The following TBC1D16 variants were observed in gnomAD, a reference collection of about 807,000 sequenced individuals.
TBC1D16 encodes CTD-2529O21.1.
TBC1D16 carries 58 observed loss-of-function variants against 74.7 expected under a neutral mutation model. That is an observed-to-expected ratio of 0.78 (90% CI 0.63 to 0.97). The LOEUF is 0.97. Ranked by LOEUF, TBC1D16 falls within the 50% of genes least tolerant of loss-of-function variation. The pLI is 0.00. For missense variants in TBC1D16, 1,014 were observed against 1,079.5 expected (o/e 0.94, Z 0.85); for synonymous variants, 493 against 474.7 (o/e 1.04, Z -0.50).
intron 3 of TBC1D16, among the ~76,000 whole-genome samples, chr17:79,999,529 ATTTC>A: frequency 9.0e-6 from 1 of 111,648 alleles, no homozygotes; most frequent in South Asian, 2.8e-4. Context: ...TTTCCCCCAA[ATTTC>A]TTTTTTTTTT....
At chr17:79,964,781 C>T (rs894379839) in intron 3 of TBC1D16, among the ~76,000 whole-genome samples, 6 of 152,102 alleles carry the variant, frequency 3.9e-5, no homozygotes, top group African/African-American at 7.2e-5. Context: ...CCATTAAGCA[C>T]TTATAAAATA....
chr17:80,030,918 C>T (rs1568655374), intron 1 of TBC1D16, among the ~76,000 whole-genome samples: 1 of 152,244 alleles, frequency 6.6e-6, no homozygotes, highest in African/African-American at 2.4e-5. Flanking sequence ...TCTGCTTTGC[C>T]CTCAAAGCCC....
chr17:80,032,813 G>A (rs1002386826), intron 1 of TBC1D16, among the ~76,000 whole-genome samples: 15 of 152,106 alleles, frequency 9.9e-5, no homozygotes, highest in South Asian at 2.1e-4. Flanking sequence ...ACCCGCCCCC[G>A]GTGCTTAATG....
Position 79,956,107 on chromosome 17 carries a change from T to C in TBC1D16, c.780-3289A>G, listed in dbSNP as rs1319423228. Among the ~76,000 whole-genome samples the C allele has an allele frequency of 1.3e-5, 2 of 152,180 alleles. No homozygotes were observed. The highest frequency in any genetic ancestry group is 1.3e-4 in the Admixed American group (2 of 15,278). ...CAGTCAGCACCAGAGCCCCGACACC[T>C]GTCAATGGAGGCCGTTCCAGACCCT... On this transcript the variant is annotated intron_variant, in intron 3 of 11. Transcript: ENST00000310924. This position sits in a 1 kb window ranked among gnomAD's most constrained non-coding sequence, Gnocchi z 4.0.
rs979893005 is a variant in TBC1D16, at chr17:79,968,293, G to A, written c.780-15475C>T. ...CATGCTGGGATTCGAGGCATGAGCCGCTGCACCCAACCGGGTGAAAGAATA... is the reference window on the plus strand; with the variant it reads ...CATGCTGGGATTCGAGGCATGAGCCACTGCACCCAACCGGGTGAAAGAATA... On this transcript the variant is annotated intron_variant, in intron 3 of 11. Transcript: ENST00000310924. Among the ~76,000 whole-genome samples, 13 of 152,314 alleles carry A rather than the reference G, an allele frequency of 8.5e-5. No individual in the cohort carries two copies. The South Asian group carries it at 1.0e-3, about 12-fold the overall frequency.
chr17:79,950,894 C>T lies in TBC1D16; in HGVS notation c.1090-316G>A. On this transcript the variant is annotated intron_variant, in intron 5 of 11. Coordinates refer to ENST00000310924, the MANE Select transcript of TBC1D16 (RefSeq NM_019020.4). The surrounding 1 kb of genome is among the most constrained non-coding windows in gnomAD (Gnocchi z 4.6). ...CCTAACTTCCCTCTGCCGGGAGGGC[C>T]TGCAATGAATTACATGTGATTGGCC... 1 of 1,465,280 alleles carries T rather than the reference C, an allele frequency of 6.8e-7. No individual in the cohort carries two copies. The highest frequency in any genetic ancestry group is 9.1e-7 in the Non-Finnish European group (1 of 1,098,718). The allele number at this position is 1,465,280 out of a possible 1,614,324, so 90.8% of individuals were successfully genotyped here.
intron 8 of TBC1D16, among the ~76,000 whole-genome samples, chr17:79,948,148 T>C (rs142356537): frequency 6.6e-6 from 1 of 152,202 alleles, no homozygotes; most frequent in East Asian, 1.9e-4. Flanking sequence ...CTGTCTCTAC[T>C]AAAAATACAA....
At chr17:80,034,665 T>G (rs992131863) in intron 1 of TBC1D16, among the ~76,000 whole-genome samples, 1 of 152,234 alleles carries the variant, frequency 6.6e-6, no homozygotes, top group African/African-American at 2.4e-5. Context: ...ATTCTTTATT[T>G]ACAAAAGCTT....
At chr17:79,976,274 C>CTCTCTTGCAGCAAGG (rs2034326678) in intron 3 of TBC1D16, among the ~76,000 whole-genome samples, 2 of 152,210 alleles carry the variant, frequency 1.3e-5, no homozygotes, top group Admixed American at 1.3e-4. Flanking sequence ...CCTGCACTGT[C>CTCTCTTGCAGCAAGG]CCAGGCTGTC....
chr17:80,022,877 C>T (rs909040032), intron 1 of TBC1D16, among the ~76,000 whole-genome samples: 10 of 149,844 alleles, frequency 6.7e-5, no homozygotes, highest in African/African-American at 1.3e-4. Flanking sequence ...TCAGGTGATC[C>T]GCCCGCCTCA....
At chr17:80,012,331 G>A (rs11658592) in intron 2 of TBC1D16, among the ~76,000 whole-genome samples, 41,604 of 151,934 alleles carry the variant, frequency 0.27, 5,963 homozygotes, top group Middle Eastern at 0.34. Context: ...CCTCCGGGTC[G>A]AGGGGCCGCA....
chr17:79,958,516 C>G (rs1413949961), intron 3 of TBC1D16, among the ~76,000 whole-genome samples: 1 of 152,144 alleles, frequency 6.6e-6, no homozygotes, highest in Non-Finnish European at 1.5e-5. Context: ...CCGCGCCCAG[C>G]CCTGACCAAA....
chr17:80,027,721 G>A (rs985231649), intron 1 of TBC1D16, among the ~76,000 whole-genome samples: 12 of 151,604 alleles, frequency 7.9e-5, no homozygotes, highest in African/African-American at 2.7e-4. Context: ...GCGAAACCCC[G>A]TCTCTACTAG....
chr17:80,000,393 T>C lies in TBC1D16; in HGVS notation c.779+9767A>G, dbSNP rs1598408860. Among the ~76,000 whole-genome samples the C allele has an allele frequency of 2.0e-5, 3 of 152,162 alleles. 1 individual carries two copies. In the East Asian group the frequency reaches 5.8e-4, roughly 29 times the overall value. On this transcript the variant is annotated intron_variant, in intron 3 of 11. Transcript: ENST00000310924. This position sits in a 1 kb window ranked among gnomAD's most constrained non-coding sequence, Gnocchi z 4.1. ...CACACAAAGGGACACACCCTGTCCA[T>C]GTGGCAACAGAGGCAGGGGTCGGAA...
chr17:80,031,141 T>C (rs959227105), intron 1 of TBC1D16, among the ~76,000 whole-genome samples: 4 of 152,176 alleles, frequency 2.6e-5, no homozygotes, highest in African/African-American at 9.6e-5. Flanking sequence ...TATGGAATCT[T>C]GTAGGCAGCC....
In TBC1D16 at chr17:79,940,842, G is replaced by A. The variant is rs893923350; in HGVS notation, c.*17C>T. On this transcript the variant is annotated 3_prime_UTR_variant, in exon 12 of 12. Coordinates refer to ENST00000310924, the MANE Select transcript of TBC1D16 (RefSeq NM_019020.4). The surrounding 1 kb of genome is among the most constrained non-coding windows in gnomAD (Gnocchi z 5.4). ...GAGGAGGTCCCCTCAACCCCTGTCC[G>A]GTGTCGGGGGCCCGACCTATCTGCG... 20 of 1,516,164 alleles carry A rather than the reference G, an allele frequency of 1.3e-5. No individual in the cohort carries two copies. Among genetic ancestry groups the A allele is most frequent in the African/African-American group, 2.7e-5 (2 of 72,866 alleles). 93.9% of individuals were successfully genotyped at this position (1,516,164 alleles called of 1,614,324 possible). A position where few individuals can be genotyped will look rare whatever the true frequency, so the allele number is the denominator to read the frequency against.
rs1360236365 is a variant in TBC1D16, at chr17:79,944,369, C to G, written c.1908+539G>C. ...TGGGCGTTAAGGCCATGTGACAGAG[C>G]CAGTGCTGTGCTCCAAGGGGAATTT... On this transcript the variant is annotated intron_variant, in intron 10 of 11. Transcript: ENST00000310924. The surrounding 1 kb of genome is among the most constrained non-coding windows in gnomAD (Gnocchi z 7.7). 6.6e-6 allele frequency among the ~76,000 whole-genome samples: 1 copy of G among 152,160 alleles called. No homozygotes were observed. Among genetic ancestry groups the G allele is most frequent in the East Asian group, 1.9e-4 (1 of 5,190 alleles).
chr17:80,020,898 G>A (rs911694096), intron 1 of TBC1D16, among the ~76,000 whole-genome samples: 1 of 150,032 alleles, frequency 6.7e-6, no homozygotes, highest in Admixed American at 6.6e-5. Flanking sequence ...GTTCACACTT[G>A]TAATTCCAAC....
chr17:79,978,673 C>G (rs906444064), intron 3 of TBC1D16, among the ~76,000 whole-genome samples: 2 of 152,178 alleles, frequency 1.3e-5, no homozygotes, highest in Non-Finnish European at 2.9e-5. Context: ...ACGACTGTGA[C>G]GACTTAGACT....
Sources: gnomAD v4.1 joint callset for allele counts (sites outside exome capture counted in the v4.1 genomes callset) on GRCh38, gnomAD v4.1.1 for gene constraint, Gnocchi (gnomAD v3.1) non-coding constraint, MANE v1.5 for transcripts, NCBI Gene and HGNC (gene_info 2026-07-23, HGNC 2026-07-21) for gene names.